The following OLFML2B variants were observed in gnomAD, a reference collection of about 807,000 sequenced individuals.
OLFML2B encodes olfactomedin-like protein 2B.
In OLFML2B, 57 loss-of-function variants were observed where a neutral mutation model predicts 74.9. The observed-to-expected ratio is 0.76, with a 90% CI of 0.61 to 0.95. The LOEUF is 0.95. OLFML2B is among the 40% of genes least tolerant of loss of function. The pLI, the probability that OLFML2B is intolerant of heterozygous loss-of-function variation, is 0.00. For synonymous variants in OLFML2B, 388 were observed against 405.8 expected (o/e 0.96, Z 0.53); for missense variants, 986 against 970.6 (o/e 1.02, Z -0.21).
chr1:161,985,760 G>A (rs1007568605), intron 6 of OLFML2B, among the ~76,000 whole-genome samples: 2 of 152,202 alleles, frequency 1.3e-5, no homozygotes, highest in Non-Finnish European at 2.9e-5. Flanking sequence ...CCTCTGCTGG[G>A]TAACTGGGGG....
intron 6 of OLFML2B, among the ~76,000 whole-genome samples, chr1:161,986,370 T>C (rs1453688290): frequency 6.6e-6 from 1 of 152,194 alleles, no homozygotes; most frequent in African/African-American, 2.4e-5. Context: ...GTCCAAGCCC[T>C]GCAGCTGACA....
chr1:162,009,880 AG>A (rs1690327231), intron 3 of OLFML2B, among the ~76,000 whole-genome samples: 1 of 152,176 alleles, frequency 6.6e-6, no homozygotes, highest in Admixed American at 6.5e-5. Flanking sequence ...CAGGAGATGC[AG>A]GGGATGCCAC....
chr1:162,023,097 C>T (rs527866624), intron 1 of OLFML2B, among the ~76,000 whole-genome samples, 160 bp downstream of exon 1: 2 of 152,142 alleles, frequency 1.3e-5, no homozygotes, highest in Non-Finnish European at 2.9e-5. Context: ...AACCTATATC[C>T]TTCCATTAAG....
At chr1:162,016,473 AATATTGAT>A (rs1264606268) in intron 3 of OLFML2B, among the ~76,000 whole-genome samples, 2 of 152,214 alleles carry the variant, frequency 1.3e-5, no homozygotes, top group Non-Finnish European at 2.9e-5. Flanking sequence ...TTTCATAAGG[AATATTGAT>A]ATGTTTACAG....
chr1:161,984,838 C>T lies in OLFML2B; in HGVS notation c.1617G>A (p.Leu539=). 1 of 1,613,398 alleles carries T rather than the reference C, an allele frequency of 6.2e-7. No individual in the cohort carries two copies. The highest frequency in any genetic ancestry group is 8.5e-7 in the Non-Finnish European group (1 of 1,179,914). Residue 539 remains leucine (L), a synonymous_variant, in exon 7 of 8, where the codon CTG becomes CTA. Transcript: ENST00000294794. ...YVTNYYYGNT[L]VEFRNLENFK... is the part of the protein sequence containing the mutation. ...AGTTCTCCAGGTTCCGGAACTCTAC[C>T]AGGGTGTTGCCGTAGTAATAGTTGG...
Position 162,020,126 on chromosome 1 carries a change from G to A in OLFML2B, c.231C>T (p.Cys77=). The change falls in exon 2 of 8, where the codon TGC becomes TGT. Residue 77 remains cysteine (C), a synonymous_variant. Coordinates refer to ENST00000294794, the MANE Select transcript of OLFML2B (RefSeq NM_015441.3). ...GGCCCAGGGGTCTCACCACACACTT[G>A]CACTGACAGTCCGAGCCCTCAGACA... ...KAMSEGSDCQ[C]KCVVRPLGRD... is the part of the protein sequence containing the mutation. 1 of 1,614,180 alleles carries A rather than the reference G, an allele frequency of 6.2e-7. No individual in the cohort carries two copies. Among genetic ancestry groups the A allele is most frequent in the Non-Finnish European group, 8.5e-7 (1 of 1,180,034 alleles).
chr1:162,000,409 G>C, intron 4 of OLFML2B, 71 bp from the exon 5 acceptor site: 1 of 1,302,312 alleles, frequency 7.7e-7, no homozygotes. Flanking sequence ...GTGGGGGCAA[G>C]GCTGGAGCCA....
chr1:162,017,902 G>C (rs1657747271), intron 2 of OLFML2B, among the ~76,000 whole-genome samples: 1 of 152,178 alleles, frequency 6.6e-6, no homozygotes, highest in Non-Finnish European at 1.5e-5. Flanking sequence ...TCAATGACAG[G>C]CTGGGTAAAG....
intron 6 of OLFML2B, among the ~76,000 whole-genome samples, chr1:161,986,431 G>C (rs1689594714): frequency 6.6e-6 from 1 of 152,236 alleles, no homozygotes; most frequent in Non-Finnish European, 1.5e-5. Flanking sequence ...GGCAGCTGGG[G>C]ATGGAAGAGG....
In OLFML2B at chr1:161,984,882, C is replaced by T; in HGVS notation, c.1573G>A (p.Asp525Asn). ...TAGTTGGTTACGTAAATCCGCTCAT[C>T]CTTGGCCAGGGGGTCCTTCATCCAG... ...GAWMKDPLAK[D>N]ERIYVTNYYY... The change falls in exon 7 of 8, where the codon GAT (aspartate) becomes AAT (asparagine). Residue 525 changes from aspartate to asparagine, a missense_variant. By Grantham distance (23) the Asp-to-Asn change is conservative. Transcript: ENST00000294794. 1 of 1,612,340 alleles carries T rather than the reference C, an allele frequency of 6.2e-7. No individual in the cohort carries two copies. The highest frequency in any genetic ancestry group is 1.3e-5 in the African/African-American group (1 of 74,398).
At position 162,020,174 on chromosome 1, in the gene OLFML2B, C is replaced by T. The variant is rs970141470; in HGVS notation, c.183G>A (p.Gly61=). Residue 61 remains glycine, a synonymous_variant, in exon 2 of 8, where the codon GGG becomes GGA. Coordinates refer to ENST00000294794, the MANE Select transcript of OLFML2B (RefSeq NM_015441.3). ...NQENVLSQLL[G]DYDKVKAMSE... ...ACATAGCCTTGACCTTGTCATAGTC[C>T]CCCAGCAACTAGACACACAGAAAAC... The T allele has an allele frequency of 3.7e-6, 6 of 1,613,932 alleles. No individual in the cohort carries two copies. Among genetic ancestry groups the T allele is most frequent in the Non-Finnish European group, 5.1e-6 (6 of 1,179,846 alleles).
intron 6 of OLFML2B, among the ~76,000 whole-genome samples, chr1:161,996,595 A>C (rs1359145066): frequency 6.6e-6 from 1 of 152,272 alleles, no homozygotes; most frequent in Non-Finnish European, 1.5e-5. Flanking sequence ...TTTTGATGAA[A>C]TTATTACTCA....
intron 3 of OLFML2B, among the ~76,000 whole-genome samples, chr1:162,008,239 T>G (rs139958099): frequency 1.3e-5 from 2 of 152,152 alleles, no homozygotes; most frequent in Non-Finnish European, 2.9e-5. Flanking sequence ...AGTTAATATA[T>G]ATGGATGTGC....
At position 162,016,613 on chromosome 1, in the gene OLFML2B, G is replaced by A. The variant is rs762728580; in HGVS notation, c.546+787C>T. 8.5e-5 allele frequency among the ~76,000 whole-genome samples: 13 copies of A among 152,156 alleles called. 1 individual carries two copies. The highest frequency in any genetic ancestry group is 3.3e-4 in the Admixed American group (5 of 15,272). The stretch of plus-strand genomic sequence containing the variant: ...AGTTATCAGTCCAAGAACCAGGTGC[G>A]AGTCAATGAAACATATCCATAAAGT... On this transcript the variant is annotated intron_variant, in intron 3 of 7. Transcript: ENST00000294794.
chr1:161,988,440 G>A (rs1689647463), intron 6 of OLFML2B, among the ~76,000 whole-genome samples: 1 of 152,080 alleles, frequency 6.6e-6, no homozygotes, highest in African/African-American at 2.4e-5. Context: ...CGTCAGCAAT[G>A]CCTCTCAGCC....
intron 4 of OLFML2B, among the ~76,000 whole-genome samples, chr1:162,005,493 T>C (rs1282100109): frequency 6.6e-6 from 1 of 152,206 alleles, no homozygotes; most frequent in Non-Finnish European, 1.5e-5. Context: ...GGTATAGTTA[T>C]GAAAATATGT....
chr1:162,010,642 C>T (rs1417642778), intron 3 of OLFML2B, among the ~76,000 whole-genome samples: 1 of 152,048 alleles, frequency 6.6e-6, no homozygotes, highest in Non-Finnish European at 1.5e-5. Flanking sequence ...CGTGTAGTAT[C>T]TTAAGCCAAA....
chr1:161,984,739 C>G, intron 7 of OLFML2B, 65 bp downstream of exon 7: 2 of 1,519,908 alleles, frequency 1.3e-6, no homozygotes, highest in South Asian at 2.4e-5. Flanking sequence ...AGAGGCCTGG[C>G]TGTGATAAAA....
At chr1:162,015,863 GTTCTGT>G (rs1246279134) in intron 3 of OLFML2B, among the ~76,000 whole-genome samples, 5 of 152,162 alleles carry the variant, frequency 3.3e-5, no homozygotes, top group Non-Finnish European at 5.9e-5. Context: ...GGCTGATGCG[GTTCTGT>G]TGGCCACTCT....
Sources: gnomAD v4.1 joint callset for allele counts (sites outside exome capture counted in the v4.1 genomes callset) on GRCh38, gnomAD v4.1.1 for gene constraint, MANE v1.5 for transcripts, NCBI Gene and HGNC (gene_info 2026-07-23, HGNC 2026-07-21) for gene names.